Variants in TRIM9 observed in about 807,000 individuals in gnomAD.
The protein encoded by TRIM9 is E3 ubiquitin-protein ligase TRIM9.
Under a neutral mutation model 78.3 loss-of-function variants are expected in TRIM9, and 26 were observed. That is an observed-to-expected ratio of 0.33 (90% CI 0.24 to 0.46). The LOEUF (loss-of-function observed/expected upper bound fraction) is 0.46. Among genes scored for constraint, TRIM9 ranks in the 20% least tolerant of loss-of-function variants. The pLI, the probability that TRIM9 is intolerant of heterozygous loss-of-function variation, is 1.00. For missense variants in TRIM9, 787 were observed against 1,036.4 expected (o/e 0.76, Z 3.30); for synonymous variants, 398 against 416.5 (o/e 0.96, Z 0.54).
chr14:51,009,332 C>A lies in TRIM9; in HGVS notation c.1153-99G>T, dbSNP rs187262617. ...TCCAGGAGCATTACTCCCAAACTGC[C>A]TTGAGGACTCATACTCTGACTGCCT... On this transcript the variant is annotated intron_variant, in intron 4 of 12. Coordinates refer to ENST00000684578, the MANE Select transcript of TRIM9 (RefSeq NM_001387360.1). 4 of 1,453,652 alleles carry A rather than the reference C, an allele frequency of 2.8e-6. No individual in the cohort carries two copies. In the South Asian group the frequency reaches 5.1e-5, roughly 19 times the overall value. The allele number at this position is 1,453,652 out of a possible 1,614,324, so 90.0% of individuals were successfully genotyped here.
intron 12 of TRIM9, chr14:50,978,990 A>G: frequency 8.6e-7 from 1 of 1,166,156 alleles, no homozygotes; most frequent in Non-Finnish European, 1.1e-6. Context: ...TGATAATGAT[A>G]CTAATGCTTC....
chr14:51,091,185 C>T (rs569538015), intron 1 of TRIM9: 119 of 151,990 alleles, frequency 7.8e-4, no homozygotes, highest in African/African-American at 2.7e-3. Flanking sequence ...TTTTGAAGAC[C>T]AAAAATATCT....
At chr14:51,030,397 AG>A (rs1483451982) in intron 1 of TRIM9, among the ~76,000 whole-genome samples, 5 of 152,206 alleles carry the variant, frequency 3.3e-5, no homozygotes, top group African/African-American at 4.8e-5. Context: ...CCCCAACCCC[AG>A]TTCACTATAG....
At chr14:51,027,185 C>G (rs2058326830) in intron 1 of TRIM9, among the ~76,000 whole-genome samples, 1 of 132,720 alleles carries the variant, frequency 7.5e-6, no homozygotes, top group African/African-American at 2.9e-5. Context: ...ACTCTCTCAC[C>G]CAGGCTGAAG....
intron 1 of TRIM9, among the ~76,000 whole-genome samples, chr14:51,083,118 C>A (rs1259423211): frequency 6.6e-6 from 1 of 152,180 alleles, no homozygotes; most frequent in African/African-American, 2.4e-5. Context: ...ATAACAGATT[C>A]CCACATCTTG....
chr14:51,082,857 G>A (rs1345430222), intron 1 of TRIM9, among the ~76,000 whole-genome samples: 1 of 152,068 alleles, frequency 6.6e-6, no homozygotes, highest in Admixed American at 6.6e-5. Context: ...GCTATATGTA[G>A]GTTCTCTTCT....
chr14:51,074,567 A>G (rs538036809), intron 1 of TRIM9, among the ~76,000 whole-genome samples: 1 of 152,282 alleles, frequency 6.6e-6, no homozygotes, highest in Non-Finnish European at 1.5e-5. Flanking sequence ...CTTACTTCTC[A>G]TTTTAGGAAG....
intron 7 of TRIM9, chr14:50,997,354 A>G (rs746050951): frequency 9.9e-5 from 98 of 985,340 alleles, no homozygotes; most frequent in Non-Finnish European, 1.1e-4. Flanking sequence ...TGAACCTTGT[A>G]TGGTGGCTCT....
At chr14:51,068,742 G>A (rs1301179424) in intron 1 of TRIM9, among the ~76,000 whole-genome samples, 1 of 152,212 alleles carries the variant, frequency 6.6e-6, no homozygotes, top group East Asian at 1.9e-4. Flanking sequence ...AAGAGGAGGT[G>A]TGATGAGGCC....
intron 3 of TRIM9, among the ~76,000 whole-genome samples, chr14:51,015,354 A>C (rs56408541): frequency 0.027 from 4,140 of 151,700 alleles, 84 homozygotes; most frequent in Non-Finnish European, 0.039. Context: ...CAGAAGCAAG[A>C]CCTGAGGTTA....
intron 1 of TRIM9, among the ~76,000 whole-genome samples, chr14:51,061,033 A>C (rs1297854123): frequency 1.3e-5 from 2 of 152,184 alleles, no homozygotes; most frequent in African/African-American, 4.8e-5. Context: ...CTTGATAAAC[A>C]ATGATGTTGA....
chr14:51,002,366 C>T (rs1406769767), intron 5 of TRIM9, among the ~76,000 whole-genome samples: 1 of 151,916 alleles, frequency 6.6e-6, no homozygotes, highest in Non-Finnish European at 1.5e-5. Flanking sequence ...GATCTACTGA[C>T]CTCATGATCC....
At chr14:51,010,128 G>C (rs1483318891) in intron 4 of TRIM9, among the ~76,000 whole-genome samples, 1 of 52,750 alleles carries the variant, frequency 1.9e-5, no homozygotes, top group Non-Finnish European at 4.0e-5. Context: ...AGAAAAAGAA[G>C]CGAAAAAAAA....
intron 1 of TRIM9, among the ~76,000 whole-genome samples, chr14:51,080,239 A>G (rs1388481879): frequency 1.3e-5 from 2 of 152,056 alleles, no homozygotes; most frequent in Non-Finnish European, 2.9e-5. Flanking sequence ...AAAAAAAAAG[A>G]ATATATTACT....
At chr14:51,018,415 C>A (rs1390864082) in intron 3 of TRIM9, among the ~76,000 whole-genome samples, 1 of 151,402 alleles carries the variant, frequency 6.6e-6, no homozygotes, top group East Asian at 1.9e-4. Context: ...GATTATTTGC[C>A]TGTCATAAAA....
At chr14:51,005,047 A>C (rs961353684) in intron 5 of TRIM9, among the ~76,000 whole-genome samples, 1 of 152,202 alleles carries the variant, frequency 6.6e-6, no homozygotes, top group Admixed American at 6.5e-5. Context: ...GCATCTGAGG[A>C]AAGTTTAGAC....
At chr14:51,064,531 T>C (rs1350706027) in intron 1 of TRIM9, among the ~76,000 whole-genome samples, 1 of 151,864 alleles carries the variant, frequency 6.6e-6, no homozygotes. Context: ...AAGGAAAGGA[T>C]ATAATAAAGA....
intron 1 of TRIM9, among the ~76,000 whole-genome samples, chr14:51,055,115 C>A (rs2060799057): frequency 6.6e-6 from 1 of 152,222 alleles, no homozygotes; most frequent in Non-Finnish European, 1.5e-5. Flanking sequence ...AGCCACCGTG[C>A]CCGGCCCTTA....
intron 7 of TRIM9, among the ~76,000 whole-genome samples, chr14:50,989,216 T>C (rs1222485053): frequency 5.9e-5 from 9 of 152,218 alleles, no homozygotes; most frequent in Admixed American, 4.6e-4. Context: ...TTCAAAGGCA[T>C]GAATCAAAGA....
Sources: gnomAD v4.1 joint callset for allele counts (sites outside exome capture counted in the v4.1 genomes callset) on GRCh38, gnomAD v4.1.1 for gene constraint, MANE v1.5 for transcripts, NCBI Gene and HGNC (gene_info 2026-07-23, HGNC 2026-07-21) for gene names.